The following USP36 variants were observed in gnomAD, a reference collection of about 807,000 sequenced individuals.
USP36 encodes the protein ubiquitin carboxyl-terminal hydrolase 36.
USP36 carries 59 observed loss-of-function variants against 111.5 expected under a neutral mutation model. The observed-to-expected ratio is 0.53, with a 90% CI of 0.43 to 0.66. The LOEUF (loss-of-function observed/expected upper bound fraction) is 0.66. USP36 is among the 30% of genes least tolerant of loss of function. The probability of loss-of-function intolerance (pLI) is 0.00; values close to 1 mark genes in which losing one functional copy is unlikely to be tolerated. For missense variants in USP36, 1,488 were observed against 1,468.0 expected, an observed-to-expected ratio of 1.01 and a Z score of -0.22; for synonymous variants, 628 against 581.0, an observed-to-expected ratio of 1.08 and a Z score of -1.16.
chr17:78,818,624 T>C (rs1249370627), intron 10 of USP36, 43 bp downstream of exon 10: 1 of 1,560,386 alleles, frequency 6.4e-7, no homozygotes, highest in Non-Finnish European at 8.8e-7. Flanking sequence ...TGATGCCGAC[T>C]GTGGCCCACG....
At chr17:78,811,130 CAAAAA>C (rs969048033) in intron 13 of USP36, among the ~76,000 whole-genome samples, 165 of 28,338 alleles carry the variant, frequency 5.8e-3, no homozygotes, top group African/African-American at 0.02. Context: ...GACTCTGTCT[CAAAAA>C]AAAAAAAAAA....
At chr17:78,791,277 G>A (rs2093581993), downstream of USP36, among the ~76,000 whole-genome samples, 2 of 152,128 alleles carry the variant, frequency 1.3e-5, no homozygotes, top group African/African-American at 4.8e-5. Context: ...TGGGATTACA[G>A]GCATGCACCA....
rs1567947188 is a variant in USP36 at position 78,818,797 on chromosome 17, GAA to G, written c.912-21_912-20del. On this transcript the variant is annotated intron_variant, in intron 9 of 20. Transcript: ENST00000449938. ...CTTGCATCTATGAAGAAGGTGATGA[GAA>G]AGATTAATGAATGATTGATTCGTGC... The G allele has an allele frequency of 6.2e-7, 1 of 1,612,410 alleles. No individual in the cohort carries two copies. Among genetic ancestry groups the G allele is most frequent in the African/African-American group, 1.3e-5 (1 of 74,878 alleles).
intron 8 of USP36, 85 bp from the exon 9 acceptor site, chr17:78,820,097 G>T (rs2094283202): frequency 7.1e-7 from 1 of 1,408,648 alleles, no homozygotes; most frequent in Non-Finnish European, 9.9e-7. Context: ...GTCTTTTTTA[G>T]GCTGAGGCAG....
rs577337039 is a variant in USP36 at position 78,808,116 on chromosome 17, C to T, written c.1408-480G>A. Among the ~76,000 whole-genome samples, 33 of 152,356 alleles carry T rather than the reference C, an allele frequency of 2.2e-4. No individual in the cohort carries two copies. In the South Asian group the frequency reaches 3.7e-3, roughly 17 times the overall value. ...ATTTAGCAAAGTTCCATCACCTAAA[C>T]ATAACCATGCATTAACATTCTAGTG... On this transcript the variant is annotated intron_variant, in intron 13 of 20. Transcript: ENST00000449938.
chr17:78,798,305 A>C lies in USP36; in HGVS notation c.*20+95T>G. On this transcript the variant is annotated intron_variant, in intron 20 of 20. Coordinates refer to ENST00000449938, the MANE Select transcript of USP36 (RefSeq NM_001385174.1). The surrounding 1 kb of genome is among the most constrained non-coding windows in gnomAD (Gnocchi z 5.1). The stretch of plus-strand genomic sequence containing the variant: ...TGTGCCAGATACACAGCCCACATAC[A>C]TCATACACACACGCCACACCCCACC... 2.0e-6 allele frequency: 3 copies of C among 1,500,364 alleles called. No homozygotes were observed. Among genetic ancestry groups the C allele is most frequent in the Non-Finnish European group, 2.7e-6 (3 of 1,112,938 alleles). 92.9% of individuals were successfully genotyped at this position (1,500,364 alleles called of 1,614,324 possible).
At chr17:78,807,824 CA>C (rs2093949426) in intron 13 of USP36, among the ~76,000 whole-genome samples, 188 bp from the exon 14 acceptor site, 1 of 152,176 alleles carries the variant, frequency 6.6e-6, no homozygotes, top group African/African-American at 2.4e-5. Flanking sequence ...TGTTCTGTGA[CA>C]TCCCAAGAAC....
chr17:78,795,548 T>A (rs1274894009), downstream of USP36: 1 of 151,854 alleles, frequency 6.6e-6, no homozygotes, highest in Non-Finnish European at 1.5e-5. This position sits in a 1 kb window ranked among gnomAD's most constrained non-coding sequence, Gnocchi z 4.5. Context: ...TACCTGCCCC[T>A]CCTAGCCCAG....
At chr17:78,828,702 C>T (rs532735741) in intron 5 of USP36, among the ~76,000 whole-genome samples, 195 bp downstream of exon 5, 2 of 152,206 alleles carry the variant, frequency 1.3e-5, no homozygotes, top group Non-Finnish European at 2.9e-5. Flanking sequence ...GAGCACTTAG[C>T]AGGCCTTCAG....
intron 1 of USP36, 183 bp downstream of exon 1, chr17:78,840,553 G>A (rs2069192140): frequency 6.6e-6 from 1 of 152,262 alleles, no homozygotes; most frequent in Non-Finnish European, 1.5e-5. Flanking sequence ...GAGCTCGCGA[G>A]CGGGCGGAGC....
chr17:78,835,223 G>C, intron 4 of USP36, 57 bp downstream of exon 4: 1 of 1,548,724 alleles, frequency 6.5e-7, no homozygotes, highest in South Asian at 1.1e-5. Flanking sequence ...ACAAGTGCAT[G>C]GGCTTATCTA....
At position 78,803,790 on chromosome 17, in the gene USP36, C is replaced by T. The variant is rs768525189; in HGVS notation, c.2405G>A (p.Ser802Asn). The change falls in exon 16 of 21, where the codon AGT becomes AAT. Residue 802 changes from serine to asparagine, a missense_variant. Physicochemically the swap from Ser to Asn is conservative, Grantham distance 46 (BLOSUM62 1). Transcript: ENST00000449938. This position sits in a 1 kb window ranked among gnomAD's most constrained non-coding sequence, Gnocchi z 4.6. ...VSLPHQLPEASEPPQSPSEKR... is the reference protein window; with the variant it reads ...VSLPHQLPEANEPPQSPSEKR... ...CTCAGAGGGGCTCTGGGGGGGCTCA[C>T]TGGCCTCTGGCAACTGGTGTGGAAG... 4.3e-6 allele frequency: 7 copies of T among 1,612,844 alleles called. No homozygotes were observed. Among genetic ancestry groups the T allele is most frequent in the South Asian group, 1.1e-5 (1 of 91,058 alleles).
chr17:78,800,685 G>A (rs984978501), intron 17 of USP36, among the ~76,000 whole-genome samples: 1 of 152,162 alleles, frequency 6.6e-6, no homozygotes, highest in Admixed American at 6.5e-5. Flanking sequence ...CTGCCCTTGG[G>A]TCTGGTGCCC....
chr17:78,836,184 A>C lies in USP36; in HGVS notation c.180T>G (p.Tyr60Ter). Residue 60 changes from tyrosine to a stop codon, truncating the protein, a stop_gained, in exon 3 of 21, where the codon TAT becomes TAG. Transcript: ENST00000449938. LOFTEE classifies it high-confidence loss of function. ...SYQLEALKSK[Y>*]VLLNPKTEGA... ...CCTCTGTTTTGGGGTTGAGCAACACATATTTGCTCTTTAAGGCCTCCAGCT... is the reference window on the plus strand; with the variant it reads ...CCTCTGTTTTGGGGTTGAGCAACACCTATTTGCTCTTTAAGGCCTCCAGCT... 1 of 1,614,060 alleles carries C rather than the reference A, an allele frequency of 6.2e-7. No individual in the cohort carries two copies. Among genetic ancestry groups the C allele is most frequent in the South Asian group, 1.1e-5 (1 of 91,080 alleles).
At position 78,820,034 on chromosome 17, in the gene USP36, A is replaced by G. The variant is rs754582460; in HGVS notation, c.829-22T>C. 2.5e-6 allele frequency: 4 copies of G among 1,612,732 alleles called. No individual in the cohort carries two copies. In the African/African-American group the frequency reaches 5.3e-5, roughly 22 times the overall value. ...CTTGCTGAGGAGGACAAAAACAGGGAGTAAAATACACAGCAGAGGAAAAAG... is the reference window on the plus strand; with the variant it reads ...CTTGCTGAGGAGGACAAAAACAGGGGGTAAAATACACAGCAGAGGAAAAAG... On this transcript the variant is annotated intron_variant, in intron 8 of 20. Transcript: ENST00000449938.
intron 3 of USP36, among the ~76,000 whole-genome samples, chr17:78,790,318 T>A (rs534245352): frequency 1.4e-4 from 21 of 151,926 alleles, no homozygotes; most frequent in Non-Finnish European, 2.9e-4. Context: ...AAAGACAGAG[T>A]CTCACTCTGT....
chr17:78,807,189 C>A lies in USP36; in HGVS notation c.1855G>T (p.Ala619Ser), dbSNP rs1284546023. 6.2e-7 allele frequency: 1 copy of A among 1,614,102 alleles called. No individual in the cohort carries two copies. Among genetic ancestry groups the A allele is most frequent in the East Asian group, 2.2e-5 (1 of 44,890 alleles). Residue 619 changes from alanine to serine, a missense_variant, in exon 14 of 21, where the codon GCC becomes TCC. By Grantham distance (99) the Ala-to-Ser change is moderately conservative. Around this residue, in one of 3 missense-constraint regions of USP36, gnomAD observed 1,073 missense variants for 994.1 expected, o/e 1.08. Transcript: ENST00000449938. ...GGGGCCTTGGTGGAGTCGCTGCTGG[C>A]CGAGTGCTCTGGGCTGGAGCTGCTG... ...GSSSSSPEHS[A>S]SSDSTKAPQT... is the part of the protein sequence containing the mutation.
chr17:78,816,280 C>T (rs2094187351), intron 10 of USP36, among the ~76,000 whole-genome samples: 1 of 152,032 alleles, frequency 6.6e-6, no homozygotes, highest in Non-Finnish European at 1.5e-5. Context: ...CTATCTCTAC[C>T]TCCCAAGTAG....
rs1346172865 is a variant in USP36 at position 78,818,769 on chromosome 17, C to T, written c.921G>A (p.Lys307=). The T allele has an allele frequency of 4.3e-6, 7 of 1,613,816 alleles. No individual in the cohort carries two copies. The highest frequency in any genetic ancestry group is 2.7e-5 in the African/African-American group (2 of 74,894). ...ENAYMCAKCK[K]KVPASKRFTI... is the part of the protein sequence containing the mutation. ...TGAAGCGCTTGCTGGCTGGAACCTT[C>T]TTCTTGCATCTATGAAGAAGGTGAT... is the stretch of plus-strand genomic sequence containing the variant. The change falls in exon 10 of 21, where the codon AAG becomes AAA. Residue 307 remains lysine (K), a synonymous_variant. Transcript: ENST00000449938.
Sources: allele counts gnomAD v4.1 joint callset (sites outside exome capture counted in the v4.1 genomes callset), GRCh38; gene constraint gnomAD v4.1.1; regional missense constraint gnomAD v4.1.1; non-coding constraint Gnocchi (gnomAD v3.1); transcripts MANE v1.5; gene names NCBI Gene and HGNC (gene_info 2026-07-23, HGNC 2026-07-21).